UNC79: variants seen among roughly 807,000 people sequenced by gnomAD.
UNC79 encodes protein unc-79 homolog.
In UNC79, 37 loss-of-function variants were observed where a neutral mutation model predicts 283.1. The observed-to-expected ratio is 0.13, with a 90% CI of 0.10 to 0.17. UNC79 has a LOEUF of 0.17. Ranked by LOEUF, UNC79 falls within the 10% of genes least tolerant of loss-of-function variation. The probability of loss-of-function intolerance (pLI) is 1.00; values close to 1 mark genes in which losing one functional copy is unlikely to be tolerated. For missense variants in UNC79, 2,272 were observed against 3,211.1 expected (o/e 0.71, Z 7.07); for synonymous variants, 1,107 against 1,200.2 (o/e 0.92, Z 1.61).
At chr14:93,506,470 T>C (rs2140785166) in intron 7 of UNC79, among the ~76,000 whole-genome samples, 1 of 152,300 alleles carries the variant, frequency 6.6e-6, no homozygotes, top group Admixed American at 6.5e-5. Context: ...TTTTTCATAC[T>C]TTGAAGGTAT....
Position 93,655,179 on chromosome 14 carries a change from C to T in UNC79, c.6283-55C>T, listed in dbSNP as rs1428969774. On this transcript the variant is annotated intron_variant, in intron 37 of 48. Coordinates refer to ENST00000555664, the Ensembl canonical transcript of UNC79. Reference sequence around the variant, plus strand: ...TTAAACTGACATTTACCAAATAGCGCTATGCATTCCCGTGCTGTTTCAGCA... The same window carrying T: ...TTAAACTGACATTTACCAAATAGCGTTATGCATTCCCGTGCTGTTTCAGCA... 5.7e-6 allele frequency: 9 copies of T among 1,583,226 alleles called. No homozygotes were observed. The East Asian group carries it at 2.0e-4, about 36-fold the overall frequency.
chr14:93,658,165 CT>C (rs947312603), intron 38 of UNC79, among the ~76,000 whole-genome samples: 4 of 152,324 alleles, frequency 2.6e-5, no homozygotes, highest in Admixed American at 2.0e-4. Flanking sequence ...GGCACTGCCC[CT>C]GATCATCTTC....
intron 30 of UNC79, among the ~76,000 whole-genome samples, chr14:93,624,247 C>A (rs930202536): frequency 6.6e-6 from 1 of 152,108 alleles, no homozygotes; most frequent in Non-Finnish European, 1.5e-5. Flanking sequence ...CTCAAAAACG[C>A]GCTGTAAAAA....
At chr14:93,360,193 C>T (rs2139939020) in intron 1 of UNC79, among the ~76,000 whole-genome samples, 1 of 152,264 alleles carries the variant, frequency 6.6e-6, no homozygotes. Flanking sequence ...ACATTGGCTC[C>T]CTGACTGGTA....
Position 93,688,169 on chromosome 14 carries a change from C to G in UNC79, c.6910-496C>G, listed in dbSNP as rs1342091991. Among the ~76,000 whole-genome samples, 1 of 152,212 alleles carries G rather than the reference C, an allele frequency of 6.6e-6. No individual in the cohort carries two copies. Reference sequence around the variant, plus strand: ...AGCAAAAGCGGACACAGTAGCTGCTCTCATTTAATTTATAGTCTGGTAGTG... The same window carrying G: ...AGCAAAAGCGGACACAGTAGCTGCTGTCATTTAATTTATAGTCTGGTAGTG... On this transcript the variant is annotated intron_variant, in intron 43 of 48. Coordinates refer to ENST00000555664, the Ensembl canonical transcript of UNC79. The surrounding 1 kb of genome is among the most constrained non-coding windows in gnomAD (Gnocchi z 4.0).
Position 93,704,719 on chromosome 14 carries a change from A to G in UNC79, c.7590+53A>G, listed in dbSNP as rs2075755090. 4 of 1,588,528 alleles carry G rather than the reference A, an allele frequency of 2.5e-6. No individual in the cohort carries two copies. In the East Asian group the frequency reaches 8.9e-5, roughly 35 times the overall value. Reference sequence around the variant, plus strand: ...GCTCGGTTTCCTGCAGAGAACGTATAACGTTCCTAGGGATTGTTGATGCTC... The same window carrying G: ...GCTCGGTTTCCTGCAGAGAACGTATGACGTTCCTAGGGATTGTTGATGCTC... On this transcript the variant is annotated intron_variant, in intron 48 of 48. Coordinates refer to ENST00000555664, the Ensembl canonical transcript of UNC79.
chr14:93,685,410 C>G (rs1325645391), intron 42 of UNC79, among the ~76,000 whole-genome samples: 3 of 152,088 alleles, frequency 2.0e-5, no homozygotes, highest in African/African-American at 7.2e-5. Flanking sequence ...ACACAATAAC[C>G]TTTTATAATT....
chr14:93,449,857 T>C (rs1337421380), intron 1 of UNC79, among the ~76,000 whole-genome samples: 2 of 152,120 alleles, frequency 1.3e-5, no homozygotes, highest in Non-Finnish European at 2.9e-5. Flanking sequence ...GTGAGGGGGA[T>C]TAAATCAGCG....
chr14:93,501,047 A>G (rs1438803328), intron 7 of UNC79, among the ~76,000 whole-genome samples: 1 of 152,226 alleles, frequency 6.6e-6, no homozygotes, highest in Non-Finnish European at 1.5e-5. Flanking sequence ...AAATTTGGCC[A>G]GGTGTGGTGG....
At chr14:93,618,071 T>C (rs979416141) in intron 28 of UNC79, 121 bp from the exon 30 acceptor site, 12 of 1,055,268 alleles carry the variant, frequency 1.1e-5, no homozygotes, top group Non-Finnish European at 1.6e-5. Flanking sequence ...TACTTCTCTC[T>C]CTCTCTCATA....
intron 1 of UNC79, among the ~76,000 whole-genome samples, chr14:93,352,435 G>C (rs2053995982): frequency 6.6e-6 from 1 of 152,190 alleles, no homozygotes; most frequent in Non-Finnish European, 1.5e-5. Flanking sequence ...TTAGCACTTA[G>C]TGTTTTGAAC....
At chr14:93,509,317 A>G (rs1415819738) in intron 7 of UNC79, among the ~76,000 whole-genome samples, 1 of 152,066 alleles carries the variant, frequency 6.6e-6, no homozygotes, top group Non-Finnish European at 1.5e-5. Flanking sequence ...GGCCCCTCCA[A>G]AATATCATGT....
Position 93,688,537 on chromosome 14 carries a change from G to A in UNC79, c.6910-128G>A, listed in dbSNP as rs1474241233. On this transcript the variant is annotated intron_variant, in intron 43 of 48. Coordinates refer to ENST00000555664, the Ensembl canonical transcript of UNC79. This position sits in a 1 kb window ranked among gnomAD's most constrained non-coding sequence, Gnocchi z 4.0. ...AGAACAATGGGAAGGCTCTGAAGAA[G>A]TTTAAGCAGGTTGTTTGCTCAGAGT... is the stretch of plus-strand genomic sequence containing the variant. 9.7e-7 allele frequency: 1 copy of A among 1,036,150 alleles called. No individual in the cohort carries two copies. Among genetic ancestry groups the A allele is most frequent in the Non-Finnish European group, 1.4e-6 (1 of 721,000 alleles). 64.2% of individuals were successfully genotyped at this position (1,036,150 alleles called of 1,614,324 possible). A position where few individuals can be genotyped will look rare whatever the true frequency, so the allele number is the denominator to read the frequency against.
At chr14:93,524,879 G>T (rs2060476294) in intron 8 of UNC79, among the ~76,000 whole-genome samples, 2 of 152,140 alleles carry the variant, frequency 1.3e-5, no homozygotes, top group Non-Finnish European at 2.9e-5. Context: ...TGTCCTGCGG[G>T]TTTGCTTCTT....
intron 1 of UNC79, among the ~76,000 whole-genome samples, chr14:93,454,703 G>A (rs1224866191): frequency 6.6e-6 from 1 of 152,126 alleles, no homozygotes; most frequent in Admixed American, 6.5e-5. Flanking sequence ...ACCTTCTAGA[G>A]GTGAGGATTT....
intron 27 of UNC79, among the ~76,000 whole-genome samples, chr14:93,616,768 C>T (rs560445708): frequency 1.2e-4 from 19 of 152,138 alleles, no homozygotes; most frequent in African/African-American, 3.4e-4. Context: ...CAAGTATTGC[C>T]GGTCGTCTAG....
intron 1 of UNC79, among the ~76,000 whole-genome samples, chr14:93,400,718 G>C (rs547498184): frequency 2.0e-5 from 3 of 152,122 alleles, no homozygotes; most frequent in Non-Finnish European, 2.9e-5. Flanking sequence ...AATCATGCTG[G>C]GAGCAGAATG....
chr14:93,479,005 C>A (rs890885852), intron 4 of UNC79, among the ~76,000 whole-genome samples: 2 of 152,182 alleles, frequency 1.3e-5, no homozygotes, highest in Admixed American at 1.3e-4. Flanking sequence ...TCATACCATT[C>A]AAGTAATACA....
At chr14:93,607,039 A>C (rs2065934608) in intron 26 of UNC79, among the ~76,000 whole-genome samples, 1 of 152,202 alleles carries the variant, frequency 6.6e-6, no homozygotes, top group Non-Finnish European at 1.5e-5. Context: ...GGAATTCAGC[A>C]CCTTCATTTC....
Sources: allele counts gnomAD v4.1 joint callset (sites outside exome capture counted in the v4.1 genomes callset), GRCh38; gene constraint gnomAD v4.1.1; non-coding constraint Gnocchi (gnomAD v3.1); transcripts MANE v1.5; gene names NCBI Gene and HGNC (gene_info 2026-07-23, HGNC 2026-07-21).